COL8A1: variants seen among roughly 807,000 people sequenced by gnomAD.
The protein encoded by COL8A1 is collagen alpha-1(VIII) chain.
COL8A1 carries 21 observed loss-of-function variants against 42.7 expected under a neutral mutation model. That is an observed-to-expected ratio of 0.49 (90% CI 0.35 to 0.71). The LOEUF (loss-of-function observed/expected upper bound fraction) is 0.71. COL8A1 is among the 30% of genes least tolerant of loss of function. The pLI is 0.01. For missense variants in COL8A1, 788 were observed against 962.4 expected, an observed-to-expected ratio of 0.82 and a Z score of 2.40; for synonymous variants, 367 against 369.1, an observed-to-expected ratio of 0.99 and a Z score of 0.06.
rs1941986199 is a variant in COL8A1, at chr3:99,790,797, C to G, written c.115C>G (p.Gln39Glu). Residue 39 changes from glutamine to glutamate, a missense_variant, in exon 3 of 4, where the codon CAA (glutamine) becomes GAA (glutamate). Transcript: ENST00000652472. ...AYYGIKPLPP[Q>E]IPPQMPPQIP... Reference sequence around the variant, plus strand: ...CTATGGGATCAAGCCGCTGCCACCTCAAATTCCTCCTCAGATGCCACCACA... The same window carrying G: ...CTATGGGATCAAGCCGCTGCCACCTGAAATTCCTCCTCAGATGCCACCACA... 1.2e-6 allele frequency: 2 copies of G among 1,614,210 alleles called. No homozygotes were observed. Among genetic ancestry groups the G allele is most frequent in the Non-Finnish European group, 1.7e-6 (2 of 1,180,040 alleles).
intron 1 of COL8A1, among the ~76,000 whole-genome samples, chr3:99,648,928 T>C (rs895334016): frequency 6.6e-6 from 1 of 152,152 alleles, no homozygotes. Flanking sequence ...AGTGAGAGTA[T>C]ATATAGAAAT....
chr3:99,736,646 T>G (rs897732179), intron 1 of COL8A1, among the ~76,000 whole-genome samples: 5 of 152,178 alleles, frequency 3.3e-5, no homozygotes, highest in Admixed American at 3.3e-4. Context: ...AGAGCTTTAC[T>G]TCCAAGTATG....
intron 1 of COL8A1, among the ~76,000 whole-genome samples, chr3:99,670,193 A>G (rs992695624): frequency 3.9e-5 from 6 of 152,154 alleles, no homozygotes; most frequent in African/African-American, 1.4e-4. Flanking sequence ...ATCACTAAAA[A>G]GAAAAATATT....
At chr3:99,745,418 A>C (rs1033278962) in intron 2 of COL8A1, among the ~76,000 whole-genome samples, 2 of 152,198 alleles carry the variant, frequency 1.3e-5, no homozygotes, top group East Asian at 1.9e-4. Context: ...GTTTTAAGTA[A>C]TAAAAGATCT....
chr3:99,677,256 G>T (rs1446617811), intron 1 of COL8A1, among the ~76,000 whole-genome samples: 6 of 152,020 alleles, frequency 3.9e-5, no homozygotes, highest in African/African-American at 1.4e-4. Flanking sequence ...ACAGGTGCTT[G>T]AAAATACAAC....
intron 1 of COL8A1, among the ~76,000 whole-genome samples, chr3:99,738,724 G>C (rs925867121): frequency 4.4e-5 from 6 of 136,214 alleles, no homozygotes; most frequent in Admixed American, 3.8e-4. Context: ...GAGGCAGGCA[G>C]GCCTCCTTGA....
At chr3:99,645,715 C>T (rs952532798) in intron 1 of COL8A1, among the ~76,000 whole-genome samples, 33 of 151,586 alleles carry the variant, frequency 2.2e-4, no homozygotes, top group Middle Eastern at 6.8e-3. Flanking sequence ...AAAAAAAATC[C>T]TAATTTAAGC....
At chr3:99,687,678 A>G (rs1184474609) in intron 1 of COL8A1, among the ~76,000 whole-genome samples, 1 of 152,200 alleles carries the variant, frequency 6.6e-6, no homozygotes. Context: ...ATCTTTATTC[A>G]GGGTTCAAAC....
chr3:99,697,447 G>T lies in COL8A1; in HGVS notation c.-128-47450G>T, dbSNP rs559891469. Reference sequence around the variant, plus strand: ...AAGTTTATGACTCAGAATTAAATTAGTCAGATTAGGAAGTTAAAAGGAAAA... The same window carrying T: ...AAGTTTATGACTCAGAATTAAATTATTCAGATTAGGAAGTTAAAAGGAAAA... On this transcript the variant is annotated intron_variant, in intron 1 of 3. Coordinates refer to ENST00000652472, the MANE Select transcript of COL8A1 (RefSeq NM_020351.4). 2.0e-5 allele frequency among the ~76,000 whole-genome samples: 3 copies of T among 152,286 alleles called. No individual in the cohort carries two copies. In the South Asian group the frequency reaches 6.2e-4, roughly 32 times the overall value.
chr3:99,758,004 A>G (rs1439258935), intron 2 of COL8A1, among the ~76,000 whole-genome samples: 3 of 152,232 alleles, frequency 2.0e-5, no homozygotes, highest in East Asian at 1.9e-4. Context: ...TTGATACCAA[A>G]GTAATCATGG....
chr3:99,639,076 C>G (rs763677498), intron 1 of COL8A1, among the ~76,000 whole-genome samples: 1 of 152,120 alleles, frequency 6.6e-6, no homozygotes, highest in Non-Finnish European at 1.5e-5. Flanking sequence ...ATAGCACAGT[C>G]AAAAGGTCTG....
chr3:99,701,849 A>T (rs1374331476), intron 1 of COL8A1, among the ~76,000 whole-genome samples: 1 of 152,194 alleles, frequency 6.6e-6, no homozygotes, highest in Non-Finnish European at 1.5e-5. Context: ...CTCTTTTCAC[A>T]TAGTTATAAT....
rs1011671740 is a variant in COL8A1, at chr3:99,747,752, C to T, written c.-4+2731C>T. ...AACATTATGACTGTGGCCAAGAAGA[C>T]CCTTACTGTTCAATATGGAATTTAC... On this transcript the variant is annotated intron_variant, in intron 2 of 3. Coordinates refer to ENST00000652472, the MANE Select transcript of COL8A1 (RefSeq NM_020351.4). Among the ~76,000 whole-genome samples the T allele has an allele frequency of 3.9e-5, 6 of 152,236 alleles. 1 individual carries two copies. Among genetic ancestry groups the T allele is most frequent in the Admixed American group, 3.9e-4 (6 of 15,286 alleles).
intron 1 of COL8A1, among the ~76,000 whole-genome samples, chr3:99,707,578 G>A (rs1939716700): frequency 6.6e-6 from 1 of 152,172 alleles, no homozygotes; most frequent in African/African-American, 2.4e-5. Context: ...TGTCCCTTGC[G>A]TCCTCTTGAT....
intron 1 of COL8A1, among the ~76,000 whole-genome samples, chr3:99,664,406 C>A (rs1198333700): frequency 6.6e-6 from 1 of 152,116 alleles, no homozygotes; most frequent in Non-Finnish European, 1.5e-5. Context: ...GATTCTATAA[C>A]TTCGTGGTCA....
At chr3:99,762,733 A>C (rs1397277548) in intron 2 of COL8A1, among the ~76,000 whole-genome samples, 2 of 152,210 alleles carry the variant, frequency 1.3e-5, no homozygotes, top group Non-Finnish European at 2.9e-5. Flanking sequence ...CTGTGCAGAC[A>C]CTGGAAAGGG....
chr3:99,697,937 G>A (rs570875794), intron 1 of COL8A1, among the ~76,000 whole-genome samples: 1 of 152,196 alleles, frequency 6.6e-6, no homozygotes, highest in South Asian at 2.1e-4. Context: ...ATTTACATCA[G>A]GTATTTCTCC....
chr3:99,736,678 T>C (rs1940728257), intron 1 of COL8A1, among the ~76,000 whole-genome samples: 1 of 152,090 alleles, frequency 6.6e-6, no homozygotes, highest in South Asian at 2.1e-4. Flanking sequence ...GGAATAGGTG[T>C]GGTGTGGTGC....
intron 1 of COL8A1, among the ~76,000 whole-genome samples, chr3:99,726,810 T>A (rs985014984): frequency 2.6e-5 from 4 of 152,136 alleles, no homozygotes; most frequent in Non-Finnish European, 4.4e-5. Flanking sequence ...TTTTGGTTAC[T>A]GTAGCCTTGT....
Sources: allele counts gnomAD v4.1 joint callset (sites outside exome capture counted in the v4.1 genomes callset), GRCh38; gene constraint gnomAD v4.1.1; transcripts MANE v1.5; gene names NCBI Gene and HGNC (gene_info 2026-07-23, HGNC 2026-07-21).